The following CDH13 variants were observed in gnomAD, a reference collection of about 807,000 sequenced individuals.
The protein encoded by CDH13 is cadherin-13.
A neutral mutation model predicts 63.8 loss-of-function variants in CDH13; 24 were observed. The ratio of observed to expected loss-of-function variants is 0.38; its 90% CI spans 0.27 to 0.53. CDH13 has a LOEUF of 0.53. Among genes scored for constraint, CDH13 ranks in the 20% least tolerant of loss-of-function variants. The pLI is 0.85. For synonymous variants in CDH13, 503 were observed against 355.3 expected, an observed-to-expected ratio of 1.42 and a Z score of -4.67; for missense variants, 1,049 against 903.1, an observed-to-expected ratio of 1.16 and a Z score of -2.07.
chr16:83,549,164 G>A (rs769473041), intron 7 of CDH13, among the ~76,000 whole-genome samples: 2 of 152,104 alleles, frequency 1.3e-5, no homozygotes, highest in African/African-American at 2.4e-5. Context: ...TCCTTGGAGG[G>A]CCTTGTGGGG....
intron 6 of CDH13, among the ~76,000 whole-genome samples, chr16:83,466,520 C>T (rs1383507505): frequency 1.3e-5 from 2 of 152,206 alleles, no homozygotes; most frequent in African/African-American, 4.8e-5. Flanking sequence ...CTGCAAACAT[C>T]ATGCAATTTA....
intron 6 of CDH13, among the ~76,000 whole-genome samples, chr16:83,378,572 G>A (rs1238974277): frequency 6.6e-6 from 1 of 152,142 alleles, no homozygotes; most frequent in African/African-American, 2.4e-5. Flanking sequence ...TGGCCCAGAA[G>A]CAAATGCAGC....
At chr16:83,635,453 C>A (rs948888266) in intron 8 of CDH13, among the ~76,000 whole-genome samples, 2 of 148,758 alleles carry the variant, frequency 1.3e-5, no homozygotes, top group Admixed American at 1.4e-4. Context: ...AAGTGATTCT[C>A]CTGCCTCAGC....
At chr16:82,850,439 T>G (rs1039924548) in intron 1 of CDH13, among the ~76,000 whole-genome samples, 1 of 152,226 alleles carries the variant, frequency 6.6e-6, no homozygotes, top group Non-Finnish European at 1.5e-5. Context: ...AGGAGCTGCT[T>G]CTTATGGATG....
intron 6 of CDH13, among the ~76,000 whole-genome samples, chr16:83,359,708 T>G (rs1395534502): frequency 6.6e-6 from 1 of 152,204 alleles, no homozygotes; most frequent in Non-Finnish European, 1.5e-5. Context: ...CTCTCCAAAT[T>G]TTAAATATTT....
chr16:82,702,413 C>A lies in CDH13; in HGVS notation c.45+75276C>A, dbSNP rs368756634. On this transcript the variant is annotated intron_variant, in intron 1 of 13. Transcript: ENST00000567109. ...GACACTGACAGTGTGACAGCAGGGCCCCTGTCTTGTTCGTCTCAGTGCTCC... is the reference window on the plus strand; with the variant it reads ...GACACTGACAGTGTGACAGCAGGGCACCTGTCTTGTTCGTCTCAGTGCTCC... 3.9e-5 allele frequency among the ~76,000 whole-genome samples: 6 copies of A among 152,138 alleles called. No homozygotes were observed. In the East Asian group the frequency reaches 1.2e-3, roughly 29 times the overall value.
intron 2 of CDH13, among the ~76,000 whole-genome samples, chr16:82,930,300 T>A (rs1457111277): frequency 6.6e-6 from 1 of 152,138 alleles, no homozygotes; most frequent in African/African-American, 2.4e-5. Flanking sequence ...AATGGAATCA[T>A]AGAGAGTGTA....
rs7196732 is a variant in CDH13 at position 83,103,402 on chromosome 16, C to T, written c.367-21983C>T. Among the ~76,000 whole-genome samples, 242 of 151,654 alleles carry T rather than the reference C, an allele frequency of 1.6e-3. 2 individuals are homozygous for T. Among genetic ancestry groups the T allele is most frequent in the African/African-American group, 5.3e-3 (219 of 41,304 alleles). ...CTGGGACTACAGGCACGTGCCACCACGCCCGGCTGATTTTTATATTTTTAG... is the reference window on the plus strand; with the variant it reads ...CTGGGACTACAGGCACGTGCCACCATGCCCGGCTGATTTTTATATTTTTAG... On this transcript the variant is annotated intron_variant, in intron 3 of 13. Transcript: ENST00000567109.
Position 82,628,317 on chromosome 16 carries a change from T to C in CDH13, c.45+1180T>C, listed in dbSNP as rs542491129. 2.0e-5 allele frequency among the ~76,000 whole-genome samples: 3 copies of C among 152,110 alleles called. No individual in the cohort carries two copies. The South Asian group carries it at 6.2e-4, about 32-fold the overall frequency. ...AGAGACAGGGAGTGCCTCAGGGTGC[T>C]AGGAATGAGTGTTGAGTTCCTGGCC... On this transcript the variant is annotated intron_variant, in intron 1 of 13. Coordinates refer to ENST00000567109, the MANE Select transcript of CDH13 (RefSeq NM_001257.5).
At chr16:83,596,668 G>A (rs920129302) in intron 7 of CDH13, among the ~76,000 whole-genome samples, 1 of 152,124 alleles carries the variant, frequency 6.6e-6, no homozygotes, top group African/African-American at 2.4e-5. Flanking sequence ...GTGACTTTCT[G>A]GAAAAGGCTC....
At chr16:83,246,917 T>C (rs1373285764) in intron 5 of CDH13, among the ~76,000 whole-genome samples, 1 of 152,234 alleles carries the variant, frequency 6.6e-6, no homozygotes, top group Non-Finnish European at 1.5e-5. Context: ...GTGACTTCTC[T>C]AATGCAGCTC....
At chr16:82,952,932 C>T (rs577460809) in intron 2 of CDH13, among the ~76,000 whole-genome samples, 5 of 152,280 alleles carry the variant, frequency 3.3e-5, no homozygotes, top group South Asian at 2.1e-4. Flanking sequence ...TGACAAAGGA[C>T]GGAGCAGGGT....
At chr16:83,671,949 T>C (rs1404625284) in intron 9 of CDH13, among the ~76,000 whole-genome samples, 1 of 152,234 alleles carries the variant, frequency 6.6e-6, no homozygotes, top group East Asian at 1.9e-4. Flanking sequence ...TTCTGGGAAG[T>C]TCTGGGGAGA....
rs149388497 is a variant in CDH13, at chr16:83,390,669, G to C, written c.781+45663G>C. The stretch of plus-strand genomic sequence containing the variant: ...CCCCAACAGCCATGGCCCGAGATCA[G>C]ATTGTCTCCATGGATTCTAGTGCTC... On this transcript the variant is annotated intron_variant, in intron 6 of 13. Transcript: ENST00000567109. 1.7e-3 allele frequency among the ~76,000 whole-genome samples: 256 copies of C among 152,266 alleles called. 2 individuals are homozygous for C. Among genetic ancestry groups the C allele is most frequent in the African/African-American group, 5.3e-3 (219 of 41,550 alleles).
At position 82,861,188 on chromosome 16, in the gene CDH13, A is replaced by G. The variant is rs980666325; in HGVS notation, c.157+2715A>G. 2.6e-5 allele frequency among the ~76,000 whole-genome samples: 4 copies of G among 152,236 alleles called. No individual in the cohort carries two copies. In the South Asian group the frequency reaches 6.2e-4, roughly 24 times the overall value. ...TTAGGGATGTTTTAGTCTCATATAA[A>G]TATAGGTCAGTGTTGTACACAGTGA... On this transcript the variant is annotated intron_variant, in intron 2 of 13. Coordinates refer to ENST00000567109, the MANE Select transcript of CDH13 (RefSeq NM_001257.5).
intron 2 of CDH13, among the ~76,000 whole-genome samples, chr16:82,939,378 G>A (rs1323768426): frequency 1.3e-5 from 2 of 150,338 alleles, no homozygotes; most frequent in Non-Finnish European, 3.0e-5. Context: ...AGCTGAGATG[G>A]CACCATTGCA....
intron 1 of CDH13, among the ~76,000 whole-genome samples, chr16:82,846,704 G>A (rs918388860): frequency 6.6e-6 from 1 of 152,130 alleles, no homozygotes; most frequent in Non-Finnish European, 1.5e-5. Flanking sequence ...TTTCCTTCTA[G>A]ATAATAAGTT....
intron 1 of CDH13, among the ~76,000 whole-genome samples, chr16:82,700,432 T>A: frequency 6.6e-6 from 1 of 152,216 alleles, no homozygotes; most frequent in East Asian, 1.9e-4. Flanking sequence ...TGTATGTGTA[T>A]AATGTACATA....
chr16:83,416,350 A>C (rs549161864), intron 6 of CDH13, among the ~76,000 whole-genome samples: 49 of 152,298 alleles, frequency 3.2e-4, no homozygotes, highest in Non-Finnish European at 5.6e-4. Flanking sequence ...ATGCAATCAG[A>C]ATTTCAGTGG....
Sources: gnomAD v4.1 joint callset for allele counts (sites outside exome capture counted in the v4.1 genomes callset) on GRCh38, gnomAD v4.1.1 for gene constraint, MANE v1.5 for transcripts, NCBI Gene and HGNC (gene_info 2026-07-23, HGNC 2026-07-21) for gene names.